Variants in ADGRL2 observed in about 807,000 individuals in gnomAD.
ADGRL2 encodes calcium-independent alpha-latrotoxin receptor 2.
ADGRL2 carries 44 observed loss-of-function variants against 157.4 expected under a neutral mutation model. The ratio of observed to expected loss-of-function variants is 0.28; its 90% CI spans 0.22 to 0.36. The LOEUF (loss-of-function observed/expected upper bound fraction) is 0.36. Ranked by LOEUF, ADGRL2 falls within the 10% of genes least tolerant of loss-of-function variation. The probability of loss-of-function intolerance (pLI) is 1.00; values close to 1 mark genes in which losing one functional copy is unlikely to be tolerated. For synonymous variants in ADGRL2, 585 were observed against 624.7 expected (o/e 0.94, Z 0.95); for missense variants, 1,510 against 1,768.9 (o/e 0.85, Z 2.63).
chr1:81,486,206 G>T (rs2078496358), intron 2 of ADGRL2, among the ~76,000 whole-genome samples: 1 of 152,116 alleles, frequency 6.6e-6, no homozygotes, highest in African/African-American at 2.4e-5. Flanking sequence ...AAACCCCTAT[G>T]TGCACATTTT....
intron 2 of ADGRL2, among the ~76,000 whole-genome samples, chr1:81,763,620 C>T (rs961618018): frequency 2.7e-5 from 4 of 150,190 alleles, no homozygotes; most frequent in Non-Finnish European, 5.9e-5. Flanking sequence ...TGTGGTGGCT[C>T]ACGCCTGTAA....
chr1:81,929,246 T>C (rs1319133443), intron 3 of ADGRL2, among the ~76,000 whole-genome samples: 1 of 152,158 alleles, frequency 6.6e-6, no homozygotes, highest in African/African-American at 2.4e-5. Flanking sequence ...GAAGCTTCAA[T>C]TGAAAATGGC....
intron 1 of ADGRL2, among the ~76,000 whole-genome samples, chr1:81,435,039 C>T (rs1017979715): frequency 3.3e-5 from 5 of 152,096 alleles, no homozygotes; most frequent in African/African-American, 1.2e-4. Context: ...AATAGGTAAA[C>T]TTTATTGACA....
intron 2 of ADGRL2, among the ~76,000 whole-genome samples, chr1:81,768,454 G>A (rs2086222389): frequency 6.7e-6 from 1 of 149,512 alleles, no homozygotes; most frequent in African/African-American, 2.5e-5. Flanking sequence ...CTGACAATCA[G>A]CATTTCCTGT....
chr1:81,730,927 TA>T (rs34808689), intron 1 of ADGRL2, among the ~76,000 whole-genome samples: 17,322 of 152,250 alleles, frequency 0.11, 1,265 homozygotes, highest in African/African-American at 0.2. Context: ...CCTGTAATTT[TA>T]TAGGATGCCA....
chr1:81,931,519 T>C (rs2095230268), intron 3 of ADGRL2, among the ~76,000 whole-genome samples: 1 of 152,184 alleles, frequency 6.6e-6, no homozygotes, highest in South Asian at 2.1e-4. Context: ...TCTTTGTCTT[T>C]GTATGCCAAA....
At chr1:81,948,477 C>G (rs1282806823) in intron 6 of ADGRL2, among the ~76,000 whole-genome samples, 1 of 152,240 alleles carries the variant, frequency 6.6e-6, no homozygotes, top group Admixed American at 6.5e-5. Context: ...GGTAGTGTAG[C>G]GCTCAAGCAT....
At chr1:81,897,674 C>T (rs749300677) in intron 2 of ADGRL2, among the ~76,000 whole-genome samples, 8 of 151,930 alleles carry the variant, frequency 5.3e-5, no homozygotes, top group Non-Finnish European at 1.2e-4. Context: ...ATATTTTTAC[C>T]TTAGAGCATC....
intron 2 of ADGRL2, among the ~76,000 whole-genome samples, chr1:81,888,166 T>C (rs2094171653): frequency 6.6e-6 from 1 of 152,254 alleles, no homozygotes; most frequent in South Asian, 2.1e-4. Context: ...ATGGAGACAA[T>C]AAGTTACAAG....
intron 2 of ADGRL2, among the ~76,000 whole-genome samples, chr1:81,869,955 C>G (rs957928879): frequency 1.3e-5 from 2 of 152,010 alleles, no homozygotes; most frequent in Middle Eastern, 3.4e-3. Context: ...GCATCTTAAA[C>G]AGTAGTGCTA....
chr1:81,561,382 T>A (rs2080435886), intron 2 of ADGRL2, among the ~76,000 whole-genome samples: 1 of 151,952 alleles, frequency 6.6e-6, no homozygotes, highest in African/African-American at 2.4e-5. Flanking sequence ...TTTTTATATA[T>A]TATTTTCTCT....
intron 3 of ADGRL2, among the ~76,000 whole-genome samples, chr1:81,646,756 A>G (rs1448106641): frequency 1.3e-5 from 2 of 152,198 alleles, no homozygotes; most frequent in African/African-American, 4.8e-5. Flanking sequence ...GCCTCTGAGG[A>G]AGGTCTTTGA....
intron 2 of ADGRL2, among the ~76,000 whole-genome samples, chr1:81,480,526 C>A (rs1287131496): frequency 6.6e-6 from 1 of 151,984 alleles, no homozygotes; most frequent in Non-Finnish European, 1.5e-5. Flanking sequence ...ATAAGCCCAC[C>A]CTTTCTTTCT....
chr1:81,980,658 T>G, intron 18 of ADGRL2: 1 of 454,648 alleles, frequency 2.2e-6, no homozygotes, highest in Non-Finnish European at 4.1e-6. Context: ...ATAGTAAGGG[T>G]AAATTTTTTT....
intron 2 of ADGRL2, among the ~76,000 whole-genome samples, chr1:81,576,848 G>C (rs1307612390): frequency 6.6e-6 from 1 of 152,100 alleles, no homozygotes; most frequent in Non-Finnish European, 1.5e-5. Flanking sequence ...TAAAGTTTAT[G>C]ATAAGTTTTT....
At chr1:81,511,894 T>C (rs2079086027) in intron 2 of ADGRL2, among the ~76,000 whole-genome samples, 1 of 152,070 alleles carries the variant, frequency 6.6e-6, no homozygotes, top group Non-Finnish European at 1.5e-5. Context: ...GGGTGAGAAG[T>C]TGTAAAAACA....
At chr1:81,462,498 G>T (rs894898745) in intron 2 of ADGRL2, among the ~76,000 whole-genome samples, 18 of 152,056 alleles carry the variant, frequency 1.2e-4, no homozygotes, top group African/African-American at 4.3e-4. Flanking sequence ...AGGGAGGGAG[G>T]GAGGGAGACA....
chr1:81,457,692 A>T (rs761659452), intron 2 of ADGRL2, among the ~76,000 whole-genome samples: 6 of 152,244 alleles, frequency 3.9e-5, no homozygotes, highest in African/African-American at 9.6e-5. Flanking sequence ...AATTTTTTTT[A>T]AATTTTGGAT....
chr1:81,696,709 A>G (rs1417110979), upstream of ADGRL2, among the ~76,000 whole-genome samples: 2 of 152,114 alleles, frequency 1.3e-5, no homozygotes, highest in African/African-American at 2.4e-5. Flanking sequence ...CCAAGATCAC[A>G]CCACTGCACT....
Sources: allele counts gnomAD v4.1 joint callset (sites outside exome capture counted in the v4.1 genomes callset), GRCh38; gene constraint gnomAD v4.1.1; transcripts MANE v1.5; gene names NCBI Gene and HGNC (gene_info 2026-07-23, HGNC 2026-07-21).